Variants in NLRP5 observed in about 807,000 individuals in gnomAD.
The protein encoded by NLRP5 is NACHT, LRR and PYD domains-containing protein 5.
NLRP5 carries 93 observed loss-of-function variants against 113.1 expected under a neutral mutation model. That is an observed-to-expected ratio of 0.82 (90% CI 0.70 to 0.98). The LOEUF is 0.98. NLRP5 is among the 50% of genes least tolerant of loss of function. The pLI, the probability that NLRP5 is intolerant of heterozygous loss-of-function variation, is 0.00. For synonymous variants in NLRP5, 751 were observed against 600.7 expected (o/e 1.25, Z -3.66); for missense variants, 1,808 against 1,514.3 (o/e 1.19, Z -3.22).
chr19:56,047,174 T>C (rs1983759367), intron 11 of NLRP5, among the ~76,000 whole-genome samples: 1 of 152,224 alleles, frequency 6.6e-6, no homozygotes, highest in Non-Finnish European at 1.5e-5. Context: ...ATCAATTTTA[T>C]ATTTTCAAAG....
chr19:56,050,290 A>G (rs1365391593), intron 11 of NLRP5, 128 bp from the exon 12 acceptor site: 17 of 770,316 alleles, frequency 2.2e-5, no homozygotes, highest in Admixed American at 1.2e-4. Flanking sequence ...AAAAAAAAAG[A>G]AAAAAAAACA....
intron 12 of NLRP5, among the ~76,000 whole-genome samples, chr19:56,052,309 C>T (rs991067392): frequency 2.0e-5 from 3 of 151,962 alleles, no homozygotes; most frequent in African/African-American, 7.3e-5. Flanking sequence ...TTTCTTGTTG[C>T]CCAGGCTGGA....
chr19:56,038,505 T>TGTGGGTTAGTGAATGCTTGGCCCCACCAC (rs1983401896), intron 10 of NLRP5, among the ~76,000 whole-genome samples: 2 of 152,202 alleles, frequency 1.3e-5, no homozygotes, highest in African/African-American at 4.8e-5. Context: ...CAGCTTGCAC[T>TGTGGGTTAGTGAATGCTTGGCCCCACCAC]GTGGGTTAGT....
At chr19:55,994,033 G>A in the NLRP5 span, among the ~76,000 whole-genome samples, 1 of 152,048 alleles carries the variant, frequency 6.6e-6, no homozygotes, top group Non-Finnish European at 1.5e-5. Flanking sequence ...TCAGTTCTTT[G>A]AGACACTGCT....
chr19:56,051,577 C>G (rs1983933886), intron 12 of NLRP5, among the ~76,000 whole-genome samples: 2 of 150,706 alleles, frequency 1.3e-5, no homozygotes, highest in South Asian at 4.2e-4. Flanking sequence ...ACCACCCCCC[C>G]ATCATATCCA....
At chr19:55,999,666 C>A, upstream of NLRP5, 2 of 1,310,884 alleles carry the variant, frequency 1.5e-6, no homozygotes, top group Non-Finnish European at 2.2e-6. Flanking sequence ...ACTCTGATTT[C>A]CAGCTTCCAG....
At chr19:56,036,473 G>A (rs139122298) in intron 9 of NLRP5, among the ~76,000 whole-genome samples, 97 of 152,242 alleles carry the variant, frequency 6.4e-4, no homozygotes, top group African/African-American at 2.3e-3. Context: ...ATTCAATAAC[G>A]ACAGACGCTT....
rs2123287437 is a variant in NLRP5 at position 56,015,804 on chromosome 19, T to A, written c.565+6T>A. 2 of 1,560,884 alleles carry A rather than the reference T, an allele frequency of 1.3e-6. No homozygotes were observed. The highest frequency in any genetic ancestry group is 1.7e-6 in the Non-Finnish European group (2 of 1,152,032). On this transcript the variant is annotated splice_donor_region_variant and intron_variant, in intron 4 of 14. Coordinates refer to ENST00000390649, the MANE Select transcript of NLRP5 (RefSeq NM_153447.4). ...TGCAGAGACAAAAGAACAAGGTGAA[T>A]GAAATAGATCTATTCATTTGTTGCC...
Position 56,003,839 on chromosome 19 carries a change from C to G in NLRP5, c.186C>G (p.Ser62Arg). The G allele has an allele frequency of 6.2e-7, 1 of 1,613,958 alleles. No homozygotes were observed. Among genetic ancestry groups the G allele is most frequent in the South Asian group, 1.1e-5 (1 of 91,088 alleles). The change falls in exon 2 of 15, where the codon AGC (serine) becomes AGG (arginine). Residue 62 changes from serine to arginine, a missense_variant. Ser to Arg is a moderately radical substitution (Grantham distance 110). Transcript: ENST00000390649. The stretch of plus-strand genomic sequence containing the variant: ...GAGACAAATCGCTCACCTTTTCCAG[C>G]TACGGGCTGCAATGGTGTCTCTATG...
At chr19:56,033,449 T>C (rs1568494223) in intron 8 of NLRP5, 93 bp from the exon 9 acceptor site, 3 of 974,452 alleles carry the variant, frequency 3.1e-6, no homozygotes, top group African/African-American at 1.6e-5. Flanking sequence ...AATTAGAAAT[T>C]TGCAAGTTAG....
At chr19:56,004,239 G>A (rs945765167) in intron 2 of NLRP5, 144 bp downstream of exon 2, 29 of 878,454 alleles carry the variant, frequency 3.3e-5, no homozygotes, top group Admixed American at 5.7e-5. Context: ...ATTGGTCATC[G>A]TCATTGGTTG....
chr19:56,005,107 A>AAAAAT lies in NLRP5; in HGVS notation c.442+1013_442+1014insAAATA, dbSNP rs1173746273. On this transcript the variant is annotated intron_variant, in intron 2 of 14. Coordinates refer to ENST00000390649, the MANE Select transcript of NLRP5 (RefSeq NM_153447.4). ...AGACTGTGTCTCAAAAAAAAAAAAA[A>AAAAAT]ATATATATATATATATATAATATAT... 7.3e-5 allele frequency among the ~76,000 whole-genome samples: 7 copies of AAAAAT among 95,344 alleles called. 1 individual carries two copies. The highest frequency in any genetic ancestry group is 2.7e-4 in the African/African-American group (7 of 25,784). 62.5% of individuals were successfully genotyped at this position (95,344 alleles called of 152,430 possible).
At chr19:55,995,250 C>T (rs1568476762), upstream of NLRP5, among the ~76,000 whole-genome samples, 1 of 152,026 alleles carries the variant, frequency 6.6e-6, no homozygotes, top group Admixed American at 6.6e-5. Flanking sequence ...AGGAGAAATA[C>T]CTAATGCAAA....
At chr19:55,988,793 T>C in the NLRP5 span, among the ~76,000 whole-genome samples, 1 of 152,132 alleles carries the variant, frequency 6.6e-6, no homozygotes, top group African/African-American at 2.4e-5. Context: ...CAGTCCGAAA[T>C]TCGTTCTTTC....
chr19:56,057,403 T>C (rs747926069), intron 13 of NLRP5, among the ~76,000 whole-genome samples: 5 of 152,166 alleles, frequency 3.3e-5, no homozygotes, highest in Non-Finnish European at 7.4e-5. Context: ...TAGTATGACC[T>C]AGGTGCCCAG....
intron 13 of NLRP5, among the ~76,000 whole-genome samples, chr19:56,055,056 G>T (rs1020788256): frequency 7.2e-6 from 1 of 139,828 alleles, no homozygotes; most frequent in East Asian, 2.1e-4. Context: ...CTGGAGTGCA[G>T]TGGCACAATC....
intron 11 of NLRP5, among the ~76,000 whole-genome samples, chr19:56,047,648 T>C (rs1307969335): frequency 6.6e-6 from 1 of 152,234 alleles, no homozygotes; most frequent in African/African-American, 2.4e-5. Context: ...TGGCCTGTTA[T>C]GGTCTATCTT....
At chr19:55,993,979 G>A in the NLRP5 span, among the ~76,000 whole-genome samples, 24 of 151,784 alleles carry the variant, frequency 1.6e-4, no homozygotes, top group East Asian at 5.8e-4. Flanking sequence ...GATATACTTC[G>A]GGTAAATCAC....
intron 6 of NLRP5, among the ~76,000 whole-genome samples, chr19:56,025,325 T>C (rs1014209946): frequency 6.6e-6 from 1 of 152,078 alleles, no homozygotes; most frequent in Non-Finnish European, 1.5e-5. Flanking sequence ...TGGGGATCAC[T>C]GCTCTACCGT....
Sources: allele counts gnomAD v4.1 joint callset (sites outside exome capture counted in the v4.1 genomes callset), GRCh38; gene constraint gnomAD v4.1.1; transcripts MANE v1.5; gene names NCBI Gene and HGNC (gene_info 2026-07-23, HGNC 2026-07-21).